The following BRD10 variants were observed in gnomAD, a reference collection of about 807,000 sequenced individuals.
BRD10 encodes bromodomain containing 10.
the BRD10 span, among the ~76,000 whole-genome samples, chr9:6,004,871 A>T: frequency 3.3e-5 from 5 of 152,192 alleles, no homozygotes; most frequent in African/African-American, 7.2e-5. Context: ...TTTAGGCTAG[A>T]AGAACTGATG....
the BRD10 span, among the ~76,000 whole-genome samples, chr9:5,996,355 G>A: frequency 6.6e-6 from 1 of 151,814 alleles, no homozygotes; most frequent in Non-Finnish European, 1.5e-5. Context: ...GTCTTACTCT[G>A]TCACCCAGGC....
chr9:5,999,379 A>C, the BRD10 span, among the ~76,000 whole-genome samples: 1 of 152,126 alleles, frequency 6.6e-6, no homozygotes, highest in Non-Finnish European at 1.5e-5. Context: ...ATTTATATAT[A>C]TATAATCACC....
At chr9:5,969,355 T>G in the BRD10 span, 2 of 1,612,444 alleles carry the variant, frequency 1.2e-6, no homozygotes, top group Non-Finnish European at 1.7e-6. Context: ...TTGGAGCTGC[T>G]TGAGCTAGAA....
the BRD10 span, among the ~76,000 whole-genome samples, chr9:5,881,378 G>A: frequency 2.8e-4 from 42 of 152,334 alleles, 1 homozygote; most frequent in Admixed American, 2.7e-3. Flanking sequence ...ATGAAGGGAA[G>A]ACTGGAAAAA....
the BRD10 span, among the ~76,000 whole-genome samples, chr9:5,981,091 T>C: frequency 6.6e-5 from 10 of 152,376 alleles, no homozygotes; most frequent in Admixed American, 6.5e-4. Flanking sequence ...ATTGTTTGCC[T>C]CTAGATCCAT....
chr9:5,993,312 TAAAAAAAAAAAA>T, the BRD10 span, among the ~76,000 whole-genome samples: 2 of 116,674 alleles, frequency 1.7e-5, no homozygotes, highest in Non-Finnish European at 3.3e-5. Flanking sequence ...GAGACTCCAT[TAAAAAAAAAAAA>T]AAAAAAAAAA....
chr9:5,988,391 G>T, the BRD10 span: 1 of 1,613,320 alleles, frequency 6.2e-7, no homozygotes, highest in East Asian at 2.2e-5. Flanking sequence ...CTCAAAACTT[G>T]AACCATTATA....
At chr9:5,934,848 CA>C in the BRD10 span, among the ~76,000 whole-genome samples, 1 of 152,072 alleles carries the variant, frequency 6.6e-6, no homozygotes. Flanking sequence ...TGTATAAAAA[CA>C]GTATATAATA....
At chr9:5,929,097 T>A in the BRD10 span, 11 of 1,609,140 alleles carry the variant, frequency 6.8e-6, no homozygotes, top group Non-Finnish European at 8.5e-6. Flanking sequence ...GCAATTCATT[T>A]AAAAGACGTA....
the BRD10 span, chr9:5,921,185 G>C: frequency 1.2e-6 from 2 of 1,613,890 alleles, no homozygotes; most frequent in African/African-American, 1.3e-5. Flanking sequence ...TTCTCCTTTT[G>C]GGGTTACATT....
the BRD10 span, chr9:5,968,532 A>G: frequency 6.2e-7 from 1 of 1,613,394 alleles, no homozygotes; most frequent in South Asian, 1.1e-5. Flanking sequence ...TCATAGTTGG[A>G]TTTTACTCCC....
At chr9:5,910,186 C>T in the BRD10 span, 2 of 152,302 alleles carry the variant, frequency 1.3e-5, no homozygotes, top group Non-Finnish European at 2.9e-5. Context: ...AAAGAAATTA[C>T]TTTCTCACTA....
chr9:5,885,103 C>T, the BRD10 span, among the ~76,000 whole-genome samples: 2 of 152,196 alleles, frequency 1.3e-5, no homozygotes, highest in Non-Finnish European at 2.9e-5. Flanking sequence ...CTTCCCCTTT[C>T]GACCCCTGCC....
the BRD10 span, among the ~76,000 whole-genome samples, chr9:5,886,404 G>C: frequency 8.5e-5 from 13 of 152,236 alleles, no homozygotes; most frequent in African/African-American, 3.1e-4. Flanking sequence ...ATTGTTGCTA[G>C]GCGTATTCTG....
the BRD10 span, among the ~76,000 whole-genome samples, chr9:5,878,943 G>A: frequency 6.6e-6 from 1 of 152,198 alleles, no homozygotes; most frequent in Non-Finnish European, 1.5e-5. Flanking sequence ...CAACTTGGAA[G>A]GAGATTCTGG....
At chr9:6,002,616 T>G in the BRD10 span, among the ~76,000 whole-genome samples, 1 of 152,140 alleles carries the variant, frequency 6.6e-6, no homozygotes, top group Non-Finnish European at 1.5e-5. Flanking sequence ...AAAATTCATT[T>G]TTAATTTGAT....
chr9:5,937,518 G>C, the BRD10 span, among the ~76,000 whole-genome samples: 2 of 152,126 alleles, frequency 1.3e-5, no homozygotes, highest in East Asian at 3.8e-4. Flanking sequence ...CTAGGCAAAT[G>C]AACAAGACTC....
the BRD10 span, among the ~76,000 whole-genome samples, chr9:5,965,063 A>G: frequency 2.6e-5 from 4 of 151,102 alleles, no homozygotes; most frequent in African/African-American, 9.7e-5. Context: ...TAATAAAAAA[A>G]AAAAAAAAAA....
chr9:5,965,087 C>G, the BRD10 span, among the ~76,000 whole-genome samples: 1 of 144,482 alleles, frequency 6.9e-6, no homozygotes, highest in Non-Finnish European at 1.5e-5. Flanking sequence ...AAAAAAATCA[C>G]CTGCCAACAC....
Sources: allele counts gnomAD v4.1 joint callset (sites outside exome capture counted in the v4.1 genomes callset), GRCh38; gene constraint gnomAD v4.1.1; transcripts MANE v1.5; gene names NCBI Gene and HGNC (gene_info 2026-07-23, HGNC 2026-07-21).